KLHL14: variants seen among roughly 807,000 people sequenced by gnomAD.
KLHL14 encodes the protein kelch like family member 14.
In KLHL14, 22 loss-of-function variants were observed where a neutral mutation model predicts 64.3. The ratio of observed to expected loss-of-function variants is 0.34; its 90% confidence interval spans 0.24 to 0.49. The LOEUF is 0.49. Among genes scored for constraint, KLHL14 ranks in the 20% least tolerant of loss-of-function variants. The pLI is 0.99. For missense variants in KLHL14, 661 were observed against 789.0 expected, an observed-to-expected ratio of 0.84 and a Z score of 1.94; for synonymous variants, 322 against 333.4, an observed-to-expected ratio of 0.97 and a Z score of 0.37.
rs543607320 is a variant in KLHL14 at position 32,680,910 on chromosome 18, C to T, written c.1239-311G>A. Among the ~76,000 whole-genome samples, 20 of 152,158 alleles carry T rather than the reference C, an allele frequency of 1.3e-4. No individual in the cohort carries two copies. The East Asian group carries it at 2.9e-3, about 22-fold the overall frequency. On this transcript the variant is annotated intron_variant, in intron 5 of 8. Coordinates refer to ENST00000359358, the MANE Select transcript of KLHL14 (RefSeq NM_020805.3). This position sits in a 1 kb window ranked among gnomAD's most constrained non-coding sequence, Gnocchi z 4.8. ...AGTGTTCATTAATATTTGGGATATT[C>T]GGTACCTTGTAAGGATATCGTAGCT...
chr18:32,769,088 G>T (rs2050362485), intron 2 of KLHL14, among the ~76,000 whole-genome samples: 1 of 152,178 alleles, frequency 6.6e-6, no homozygotes, highest in Non-Finnish European at 1.5e-5. Context: ...AAAGCATTTT[G>T]GAGTTCTGAC....
chr18:32,709,705 T>C (rs988025646), intron 3 of KLHL14, among the ~76,000 whole-genome samples: 3 of 152,180 alleles, frequency 2.0e-5, no homozygotes, highest in Non-Finnish European at 2.9e-5. Flanking sequence ...TCTATGCTAG[T>C]GTACTAACTG....
intron 2 of KLHL14, among the ~76,000 whole-genome samples, chr18:32,758,891 G>T (rs1265930929): frequency 1.3e-5 from 2 of 152,126 alleles, no homozygotes; most frequent in African/African-American, 4.8e-5. Flanking sequence ...GCAAATCTCC[G>T]GTGACAGAAA....
chr18:32,700,001 G>A (rs2049956747), intron 3 of KLHL14, among the ~76,000 whole-genome samples: 1 of 151,628 alleles, frequency 6.6e-6, no homozygotes. Flanking sequence ...GGTTACAGAG[G>A]CTGTTTTCCT....
rs2050371054 is a variant in KLHL14, at chr18:32,770,048, A to G, written c.544T>C (p.Ser182Pro). 6.2e-7 allele frequency: 1 copy of G among 1,613,880 alleles called. No individual in the cohort carries two copies. Among genetic ancestry groups the G allele is most frequent in the African/African-American group, 1.3e-5 (1 of 74,874 alleles). ...CACACCTGCTTGTAGTTCTGCACCG[A>G]GATCTGGTCGTTGAGGAACTGCACG... is the stretch of plus-strand genomic sequence containing the variant. The part of the protein sequence containing the change: ...LCVQFLNDQI[S>P]VQNYKQVCKI... The change falls in exon 2 of 9, where the codon TCG becomes CCG. Residue 182 changes from serine to proline, a missense_variant. By Grantham distance (74) the Ser-to-Pro change is moderately conservative. Transcript: ENST00000359358. The surrounding 1 kb of genome is among the most constrained non-coding windows in gnomAD (Gnocchi z 6.7).
chr18:32,768,244 A>T (rs2050357008), intron 2 of KLHL14, among the ~76,000 whole-genome samples: 1 of 152,166 alleles, frequency 6.6e-6, no homozygotes, highest in Non-Finnish European at 1.5e-5. Flanking sequence ...ATGTTAGAAA[A>T]ATGAACTTAC....
chr18:32,693,984 TTTTGTTTTG>T (rs948186095), intron 4 of KLHL14, among the ~76,000 whole-genome samples: 14 of 142,240 alleles, frequency 9.8e-5, no homozygotes, highest in Admixed American at 7.1e-4. Context: ...TTTTGTTTTG[TTTTGTTTTG>T]TTTTTTTGCA....
intron 3 of KLHL14, among the ~76,000 whole-genome samples, chr18:32,736,068 T>C (rs2050164516): frequency 6.6e-6 from 1 of 152,174 alleles, no homozygotes; most frequent in African/African-American, 2.4e-5. Flanking sequence ...CTAAAGAAGG[T>C]ATCAGAATTA....
At chr18:32,677,747 A>T (rs2049818595) in intron 7 of KLHL14, among the ~76,000 whole-genome samples, 2 of 152,188 alleles carry the variant, frequency 1.3e-5, no homozygotes, top group South Asian at 4.1e-4. Flanking sequence ...TCTATGAGAT[A>T]GTCCCTGTCC....
chr18:32,756,763 T>C (rs752873665), intron 2 of KLHL14, among the ~76,000 whole-genome samples: 13 of 152,222 alleles, frequency 8.5e-5, no homozygotes, highest in Non-Finnish European at 1.9e-4. Context: ...ACAATGCCAA[T>C]TGAAGTTTGT....
At chr18:32,759,724 TC>T (rs1388359016) in intron 2 of KLHL14, among the ~76,000 whole-genome samples, 1 of 149,070 alleles carries the variant, frequency 6.7e-6, no homozygotes, top group African/African-American at 2.5e-5. Flanking sequence ...TCTCTCTCTC[TC>T]GTCATTTTGG....
At position 32,769,701 on chromosome 18, in the gene KLHL14, G is replaced by A. The variant is rs139880749; in HGVS notation, c.891C>T (p.Ala297=). 4.1e-5 allele frequency: 65 copies of A among 1,569,620 alleles called. No homozygotes were observed. The highest frequency in any genetic ancestry group is 6.8e-5 in the African/African-American group (5 of 73,922). The change falls in exon 2 of 9, where the codon GCC becomes GCT. Residue 297 remains alanine (A), a synonymous_variant. Coordinates refer to ENST00000359358, the MANE Select transcript of KLHL14 (RefSeq NM_020805.3). ...TGAAGGGCATCAGGTGGTAGTTCAT[G>A]GCGTCCAGCAGCAGCTTCTGGCAGA... ...DPVCQKLLLD[A]MNYHLMPFRQ...
intron 3 of KLHL14, among the ~76,000 whole-genome samples, chr18:32,735,428 G>T (rs139992594): frequency 1.3e-5 from 2 of 152,246 alleles, no homozygotes; most frequent in Non-Finnish European, 2.9e-5. Context: ...TGTATGGCCT[G>T]GTCTCTGCCA....
chr18:32,739,648 A>G (rs999172386), intron 3 of KLHL14, among the ~76,000 whole-genome samples: 32 of 139,742 alleles, frequency 2.3e-4, no homozygotes, highest in African/African-American at 8.8e-4. Flanking sequence ...CTTTGCACAC[A>G]CACACACACA....
Position 32,770,185 on chromosome 18 carries a change from C to T in KLHL14, c.407G>A (p.Arg136His), listed in dbSNP as rs574080093. 1.2e-5 allele frequency: 19 copies of T among 1,613,200 alleles called. No homozygotes were observed. The highest frequency in any genetic ancestry group is 1.7e-5 in the Admixed American group (1 of 59,990). ...VLQGCSSIGL[R>H]LVLEYLYTAN... ...CGTGTAGAGGTACTCGAGCACCAGGCGCAGCCCGATGGACGAGCAGCCCTG... is the reference window on the plus strand; with the variant it reads ...CGTGTAGAGGTACTCGAGCACCAGGTGCAGCCCGATGGACGAGCAGCCCTG... Residue 136 changes from arginine (R) to histidine (H), a missense_variant, in exon 2 of 9, where the codon CGC (arginine) becomes CAC (histidine). By Grantham distance (29) the Arg-to-His change is conservative. Coordinates refer to ENST00000359358, the MANE Select transcript of KLHL14 (RefSeq NM_020805.3). The surrounding 1 kb of genome is among the most constrained non-coding windows in gnomAD (Gnocchi z 6.7).
At position 32,770,270 on chromosome 18, in the gene KLHL14, A is replaced by C; in HGVS notation, c.322T>G (p.Ser108Ala). The C allele has an allele frequency of 6.3e-7, 1 of 1,593,080 alleles. No homozygotes were observed. Among genetic ancestry groups the C allele is most frequent in the Non-Finnish European group, 8.6e-7 (1 of 1,168,556 alleles). ...PPPQEEPGTP[S>A]SSPDDKLLTS... The stretch of plus-strand genomic sequence containing the variant: ...AGCAGCTTGTCGTCGGGGGAGGAAG[A>C]AGGAGTCCCGGGCTCCTCCTGCGGC... Residue 108 changes from serine (S) to alanine (A), a missense_variant, in exon 2 of 9, where the codon TCT becomes GCT. By Grantham distance (99) the Ser-to-Ala change is moderately conservative. Transcript: ENST00000359358. This position sits in a 1 kb window ranked among gnomAD's most constrained non-coding sequence, Gnocchi z 6.7.
chr18:32,717,551 G>A (rs2050052610), intron 3 of KLHL14, among the ~76,000 whole-genome samples: 3 of 152,238 alleles, frequency 2.0e-5, no homozygotes, highest in East Asian at 3.9e-4. Context: ...CAAGGATTGG[G>A]CATACGTAAT....
At chr18:32,711,154 G>GA (rs937416159) in intron 3 of KLHL14, among the ~76,000 whole-genome samples, 1 of 151,874 alleles carries the variant, frequency 6.6e-6, no homozygotes, top group African/African-American at 2.4e-5. Context: ...GGTCTTTAAG[G>GA]AAAAAATAGG....
At position 32,771,685 on chromosome 18, in the gene KLHL14, C is replaced by A. The variant is rs563733297; in HGVS notation, c.-44+982G>T. Reference sequence around the variant, plus strand: ...GGAGGCCTGGAGGCCGGGAGGGATTCGTGTGCACGGTTTCCCCTCCCGGGC... The same window carrying A: ...GGAGGCCTGGAGGCCGGGAGGGATTAGTGTGCACGGTTTCCCCTCCCGGGC... On this transcript the variant is annotated intron_variant, in intron 1 of 8. Coordinates refer to ENST00000359358, the MANE Select transcript of KLHL14 (RefSeq NM_020805.3). 1.4e-3 allele frequency among the ~76,000 whole-genome samples: 219 copies of A among 151,726 alleles called. 1 individual carries two copies. The highest frequency in any genetic ancestry group is 5.0e-3 in the African/African-American group (209 of 41,462).
Sources: allele counts gnomAD v4.1 joint callset (sites outside exome capture counted in the v4.1 genomes callset), GRCh38; gene constraint gnomAD v4.1.1; non-coding constraint Gnocchi (gnomAD v3.1); transcripts MANE v1.5; gene names NCBI Gene and HGNC (gene_info 2026-07-23, HGNC 2026-07-21).